The following DRD3 variants were observed in gnomAD, a reference collection of about 807,000 sequenced individuals.
The protein encoded by DRD3 is dopamine receptor D3.
Under a neutral mutation model 36.3 loss-of-function variants are expected in DRD3, and 19 were observed. The observed-to-expected ratio is 0.52, with a 90% CI of 0.36 to 0.77. The LOEUF is 0.77. DRD3 is among the 30% of genes least tolerant of loss of function. The pLI, the probability that DRD3 is intolerant of heterozygous loss-of-function variation, is 0.00. For missense variants in DRD3, 465 were observed against 505.3 expected (o/e 0.92, Z 0.77); for synonymous variants, 195 against 203.7 (o/e 0.96, Z 0.36).
At chr3:114,177,725 T>C (rs1167894093) in intron 1 of DRD3, among the ~76,000 whole-genome samples, 1 of 152,176 alleles carries the variant, frequency 6.6e-6, no homozygotes, top group Non-Finnish European at 1.5e-5. Context: ...CTGCTAGCCA[T>C]ACAGACCCTT....
At chr3:114,180,753 G>T (rs1240954373), upstream of DRD3, among the ~76,000 whole-genome samples, 2 of 152,096 alleles carry the variant, frequency 1.3e-5, no homozygotes, top group African/African-American at 4.8e-5. Context: ...TAACTATATT[G>T]AACATGCCCT....
intron 1 of DRD3, among the ~76,000 whole-genome samples, chr3:114,186,444 T>C (rs1356846943): frequency 2.0e-5 from 3 of 152,172 alleles, no homozygotes; most frequent in African/African-American, 7.2e-5. Context: ...TTCTTGAAGT[T>C]ACTACAGCCA....
intron 2 of DRD3, among the ~76,000 whole-genome samples, chr3:114,166,238 G>A (rs1321598010): frequency 6.6e-6 from 1 of 151,956 alleles, no homozygotes; most frequent in Non-Finnish European, 1.5e-5. Context: ...CACCCACCTC[G>A]GCCTCCCAAA....
intron 1 of DRD3, among the ~76,000 whole-genome samples, chr3:114,198,125 G>T (rs1015403265): frequency 6.6e-6 from 1 of 151,904 alleles, no homozygotes; most frequent in Non-Finnish European, 1.5e-5. Context: ...ATATTTTTTA[G>T]GTTTTAGGGT....
At chr3:114,167,648 T>C (rs948107032) in intron 2 of DRD3, among the ~76,000 whole-genome samples, 3 of 152,184 alleles carry the variant, frequency 2.0e-5, no homozygotes, top group Non-Finnish European at 4.4e-5. Context: ...GTCTTAAAGA[T>C]GAGAATGATA....
intron 1 of DRD3, among the ~76,000 whole-genome samples, chr3:114,193,447 A>T (rs549999180): frequency 6.6e-6 from 1 of 152,236 alleles, no homozygotes; most frequent in Non-Finnish European, 1.5e-5. Context: ...GGGGTCAGAG[A>T]CAGCGTCTGA....
rs2077623999 is a variant in DRD3, at chr3:114,152,165, C to A, written c.384-4608G>T. Among the ~76,000 whole-genome samples, 5 of 152,230 alleles carry A rather than the reference C, an allele frequency of 3.3e-5. No homozygotes were observed. The South Asian group carries it at 8.3e-4, about 25-fold the overall frequency. The stretch of plus-strand genomic sequence containing the variant: ...TCGCGAGATCCTGGTGCACCCATCA[C>A]CCAAGCAGTATACACTGTACCATAT... On this transcript the variant is annotated intron_variant, in intron 3 of 6. Coordinates refer to ENST00000383673, the MANE Select transcript of DRD3 (RefSeq NM_000796.6).
intron 1 of DRD3, among the ~76,000 whole-genome samples, chr3:114,191,416 T>C (rs2078010183): frequency 6.6e-6 from 1 of 152,174 alleles, no homozygotes; most frequent in African/African-American, 2.4e-5. Flanking sequence ...GGGAACACGA[T>C]TGGCACATTT....
chr3:114,152,011 T>G (rs963151485), intron 3 of DRD3, among the ~76,000 whole-genome samples: 4 of 152,244 alleles, frequency 2.6e-5, no homozygotes, highest in Non-Finnish European at 4.4e-5. Flanking sequence ...CTGGAGATTT[T>G]GATTTAGTAC....
chr3:114,175,535 C>A, intron 1 of DRD3, among the ~76,000 whole-genome samples: 1 of 152,216 alleles, frequency 6.6e-6, no homozygotes, highest in East Asian at 1.9e-4. Context: ...AGTAATCTAG[C>A]ATCTCACTCA....
intron 1 of DRD3, among the ~76,000 whole-genome samples, chr3:114,178,397 C>A (rs1398902084): frequency 1.3e-5 from 2 of 152,048 alleles, no homozygotes; most frequent in Non-Finnish European, 2.9e-5. Flanking sequence ...TCTTTTAATT[C>A]TTCCTTGATA....
chr3:114,161,095 G>C (rs539055106), intron 2 of DRD3, among the ~76,000 whole-genome samples: 1 of 152,238 alleles, frequency 6.6e-6, no homozygotes, highest in South Asian at 2.1e-4. Context: ...GCTTTGTGCA[G>C]TTACCAGCTT....
At chr3:114,182,646 C>A (rs780466119), upstream of DRD3, among the ~76,000 whole-genome samples, 1 of 152,008 alleles carries the variant, frequency 6.6e-6, no homozygotes, top group Non-Finnish European at 1.5e-5. Flanking sequence ...GAGTCTCCGT[C>A]TGTCACCCAG....
At chr3:114,144,254 G>A (rs1343857461) in intron 4 of DRD3, among the ~76,000 whole-genome samples, 1 of 152,208 alleles carries the variant, frequency 6.6e-6, no homozygotes, top group Non-Finnish European at 1.5e-5. Flanking sequence ...AATTTCGTGT[G>A]GCAGCCCATG....
intron 1 of DRD3, among the ~76,000 whole-genome samples, chr3:114,187,561 G>T (rs1055524655): frequency 1.3e-5 from 2 of 152,116 alleles, no homozygotes; most frequent in Non-Finnish European, 2.9e-5. Flanking sequence ...ATATCCTACT[G>T]CACTGCCATG....
chr3:114,153,815 T>C (rs527942415), intron 3 of DRD3, among the ~76,000 whole-genome samples: 32 of 152,244 alleles, frequency 2.1e-4, no homozygotes, highest in African/African-American at 7.0e-4. Flanking sequence ...CATTCTAGTC[T>C]CAGCACCTTT....
At chr3:114,131,009 T>C in intron 6 of DRD3, 109 bp downstream of exon 6, 2 of 1,282,322 alleles carry the variant, frequency 1.6e-6, no homozygotes, top group Non-Finnish European at 2.1e-6. Flanking sequence ...ATTGTGAACA[T>C]TTGATAAGTA....
At chr3:114,182,299 T>G (rs966704209), upstream of DRD3, among the ~76,000 whole-genome samples, 1 of 152,050 alleles carries the variant, frequency 6.6e-6, no homozygotes, top group Non-Finnish European at 1.5e-5. Context: ...GTAATACAGT[T>G]CTTGAAAGAA....
rs758814207 is a variant in DRD3, at chr3:114,128,914, T to C, written c.1007-2A>G. 1 of 1,575,206 alleles carries C rather than the reference T, an allele frequency of 6.3e-7. No homozygotes were observed. The highest frequency in any genetic ancestry group is 8.6e-7 in the Non-Finnish European group (1 of 1,161,750). ...GCAGCCAGCAGACAATGAAGGCCCC[T>C]AAGTTGCCAAATAAGAGAGAAACTG... On this transcript the variant is annotated splice_acceptor_variant, in intron 6 of 6. Coordinates refer to ENST00000383673, the MANE Select transcript of DRD3 (RefSeq NM_000796.6). LOFTEE classifies it high-confidence loss of function.
Sources: gnomAD v4.1 joint callset for allele counts (sites outside exome capture counted in the v4.1 genomes callset) on GRCh38, gnomAD v4.1.1 for gene constraint, MANE v1.5 for transcripts, NCBI Gene and HGNC (gene_info 2026-07-23, HGNC 2026-07-21) for gene names.